OCA2: variants seen among roughly 807,000 people sequenced by gnomAD.
The protein encoded by OCA2 is OCA2 melanosomal transmembrane protein, also known as P protein.
OCA2 carries 77 observed loss-of-function variants against 100.2 expected under a neutral mutation model. The ratio of observed to expected loss-of-function variants is 0.77; its 90% confidence interval spans 0.64 to 0.93. The LOEUF (loss-of-function observed/expected upper bound fraction) is 0.93, where lower values mean the gene tolerates loss of function less well. Ranked by LOEUF, OCA2 falls within the 40% of genes least tolerant of loss-of-function variation. OCA2 has a pLI of 0.00. For synonymous variants in OCA2, 432 were observed against 439.2 expected (o/e 0.98, Z 0.21); for missense variants, 1,062 against 1,089.1 (o/e 0.98, Z 0.35).
intron 18 of OCA2, among the ~76,000 whole-genome samples, chr15:27,943,645 T>C (rs573754085): frequency 1.4e-5 from 2 of 146,896 alleles, no homozygotes; most frequent in Non-Finnish European, 3.0e-5. Flanking sequence ...AATGTGCACA[T>C]GTGCCCTAAA....
chr15:27,828,017 C>T (rs1047542970), intron 23 of OCA2, among the ~76,000 whole-genome samples: 2 of 152,068 alleles, frequency 1.3e-5, no homozygotes, highest in African/African-American at 2.4e-5. Flanking sequence ...CATCTTGTGA[C>T]GATTTTTTCT....
At chr15:27,750,207 A>G (rs1020562649), downstream of OCA2, among the ~76,000 whole-genome samples, 5 of 152,238 alleles carry the variant, frequency 3.3e-5, no homozygotes, top group Non-Finnish European at 7.3e-5. Context: ...GGCTCTTACA[A>G]GATACTAACG....
At chr15:27,806,824 A>G (rs2033873156) in intron 23 of OCA2, among the ~76,000 whole-genome samples, 2 of 152,250 alleles carry the variant, frequency 1.3e-5, no homozygotes, top group Admixed American at 1.3e-4. Flanking sequence ...CAGCTGGCAG[A>G]TGGCAAGGGA....
At chr15:27,850,322 C>T (rs1005110586) in intron 22 of OCA2, among the ~76,000 whole-genome samples, 4 of 152,180 alleles carry the variant, frequency 2.6e-5, no homozygotes, top group Non-Finnish European at 5.9e-5. Flanking sequence ...CCTCCCCACT[C>T]GACAGCAGGG....
intron 2 of OCA2, 65 bp downstream of exon 2, chr15:28,081,583 G>A (rs554825208): frequency 3.6e-5 from 53 of 1,487,148 alleles, no homozygotes; most frequent in South Asian, 2.6e-4. Flanking sequence ...GTGGGGGAAC[G>A]ATGCTCATGG....
chr15:27,741,950 G>T, the OCA2 span, among the ~76,000 whole-genome samples: 1 of 152,206 alleles, frequency 6.6e-6, no homozygotes, highest in Non-Finnish European at 1.5e-5. Flanking sequence ...ACTTATCCAA[G>T]CTGGTTTCTC....
chr15:27,980,512 T>C (rs1311063552), intron 14 of OCA2, among the ~76,000 whole-genome samples: 1 of 152,236 alleles, frequency 6.6e-6, no homozygotes, highest in Non-Finnish European at 1.5e-5. Flanking sequence ...ATGTTTCCAT[T>C]TGGTGTTATT....
chr15:27,811,576 T>C (rs2034079674), intron 23 of OCA2, among the ~76,000 whole-genome samples: 4 of 152,342 alleles, frequency 2.6e-5, no homozygotes, highest in African/African-American at 7.2e-5. Context: ...TGCAGGTCTA[T>C]TGATTTCTTT....
At chr15:27,765,096 T>C (rs1313184068) in intron 23 of OCA2, among the ~76,000 whole-genome samples, 2 of 152,118 alleles carry the variant, frequency 1.3e-5, no homozygotes, top group African/African-American at 4.8e-5. Flanking sequence ...ATTTGTGAAC[T>C]GTCAAGGTGC....
intron 23 of OCA2, among the ~76,000 whole-genome samples, chr15:27,770,842 TTTCCTTCCTTCCTTTC>T (rs148032445): frequency 0.12 from 14,265 of 119,452 alleles, 1,823 homozygotes; most frequent in East Asian, 0.55. Context: ...TCCTCCCTCT[TTTCCTTCCTTCCTTTC>T]TTCCTTCCTT....
chr15:28,062,398 T>G (rs528256646), intron 2 of OCA2, among the ~76,000 whole-genome samples: 2 of 152,348 alleles, frequency 1.3e-5, no homozygotes, highest in African/African-American at 4.8e-5. Context: ...ATATTTTGCC[T>G]GTGGGCATGG....
At chr15:27,950,195 TA>T in intron 18 of OCA2, among the ~76,000 whole-genome samples, 1 of 152,340 alleles carries the variant, frequency 6.6e-6, no homozygotes, top group East Asian at 1.9e-4. Flanking sequence ...TTTTAGTTTT[TA>T]AAATGCCTGC....
At chr15:27,810,872 T>C (rs1459046927) in intron 23 of OCA2, among the ~76,000 whole-genome samples, 1 of 152,016 alleles carries the variant, frequency 6.6e-6, no homozygotes, top group African/African-American at 2.4e-5. Flanking sequence ...CAAAAAACAA[T>C]AGATGTTGAT....
At chr15:27,808,972 C>T (rs923514651) in intron 23 of OCA2, among the ~76,000 whole-genome samples, 11 of 152,174 alleles carry the variant, frequency 7.2e-5, no homozygotes, top group Admixed American at 6.5e-4. Flanking sequence ...TGTTGTCTTC[C>T]TTCTGTCCTT....
chr15:27,902,744 G>A (rs906412077), intron 19 of OCA2, among the ~76,000 whole-genome samples: 1 of 152,206 alleles, frequency 6.6e-6, no homozygotes, highest in Non-Finnish European at 1.5e-5. Flanking sequence ...TCCTCTGCAG[G>A]CTGGGGGCGG....
chr15:28,097,884 AC>A (rs1374939233), intron 1 of OCA2, among the ~76,000 whole-genome samples: 1 of 151,620 alleles, frequency 6.6e-6, no homozygotes, highest in East Asian at 1.9e-4. Context: ...GCTGCTCCCA[AC>A]CCCCCAGCCA....
chr15:28,058,945 C>T (rs568061646), intron 2 of OCA2, among the ~76,000 whole-genome samples: 107 of 152,256 alleles, frequency 7.0e-4, no homozygotes, highest in African/African-American at 2.5e-3. Flanking sequence ...TGGAGGTCCC[C>T]AAGGGCCCCG....
At chr15:27,734,151 CA>C in the OCA2 span, among the ~76,000 whole-genome samples, 5,647 of 127,230 alleles carry the variant, frequency 0.044, 252 homozygotes, top group African/African-American at 0.13. Context: ...GGCTCTGTCT[CA>C]AAAAAAAAAA....
chr15:27,966,854 GC>G, intron 14 of OCA2, 32 bp from the exon 15 acceptor site: 1 of 1,590,314 alleles, frequency 6.3e-7, no homozygotes, highest in Non-Finnish European at 8.6e-7. Context: ...TGAAATGGCA[GC>G]CCAGGCATGG....
Sources: allele counts gnomAD v4.1 joint callset (sites outside exome capture counted in the v4.1 genomes callset), GRCh38; gene constraint gnomAD v4.1.1; transcripts MANE v1.5; gene names NCBI Gene and HGNC (gene_info 2026-07-23, HGNC 2026-07-21).